CDK6: variants seen among roughly 807,000 people sequenced by gnomAD.
CDK6 encodes cyclin dependent kinase 6.
CDK6 carries 6 observed loss-of-function variants against 37.1 expected under a neutral mutation model. That is an observed-to-expected ratio of 0.16 (90% confidence interval 0.09 to 0.32). The LOEUF (loss-of-function observed/expected upper bound fraction) is 0.32, where lower values mean the gene tolerates loss of function less well. CDK6 is among the 10% of genes least tolerant of loss of function. CDK6 has a pLI of 1.00. For missense variants in CDK6, 224 were observed against 418.9 expected, an observed-to-expected ratio of 0.53 and a Z score of 4.06; for synonymous variants, 160 against 161.3, an observed-to-expected ratio of 0.99 and a Z score of 0.06.
At chr7:92,778,302 C>T (rs1799899456) in intron 2 of CDK6, among the ~76,000 whole-genome samples, 1 of 152,066 alleles carries the variant, frequency 6.6e-6, no homozygotes. Flanking sequence ...ATTTTTTCCT[C>T]ACATTTATCT....
intron 5 of CDK6, among the ~76,000 whole-genome samples, chr7:92,640,272 T>A (rs2116532842): frequency 6.6e-6 from 1 of 152,284 alleles, no homozygotes; most frequent in Middle Eastern, 3.4e-3. Flanking sequence ...AAGGGGGCCC[T>A]CATGGAGGTT....
At chr7:92,797,101 A>G (rs1481883032) in intron 2 of CDK6, among the ~76,000 whole-genome samples, 1 of 152,116 alleles carries the variant, frequency 6.6e-6, no homozygotes, top group Non-Finnish European at 1.5e-5. Context: ...AGAAAAGCAA[A>G]CTCTGGAAAG....
intron 3 of CDK6, among the ~76,000 whole-genome samples, chr7:92,757,795 T>C (rs1172534925): frequency 6.6e-6 from 1 of 152,214 alleles, no homozygotes. Flanking sequence ...TTCCCTTTTC[T>C]CTACAACCTT....
At chr7:92,709,081 C>T (rs1157973282) in intron 4 of CDK6, among the ~76,000 whole-genome samples, 1 of 151,970 alleles carries the variant, frequency 6.6e-6, no homozygotes, top group African/African-American at 2.4e-5. Flanking sequence ...CATTTAACAG[C>T]CTCCAGTTTC....
intron 2 of CDK6, among the ~76,000 whole-genome samples, chr7:92,788,814 C>A (rs1800209026): frequency 6.6e-6 from 1 of 152,060 alleles, no homozygotes; most frequent in Non-Finnish European, 1.5e-5. Context: ...AGTGGGATGG[C>A]AATTTGGAAG....
intron 2 of CDK6, among the ~76,000 whole-genome samples, chr7:92,797,435 C>T (rs1800442566): frequency 6.6e-6 from 1 of 152,180 alleles, no homozygotes; most frequent in Admixed American, 6.6e-5. Flanking sequence ...CGGGATGAGT[C>T]TGTCAACCTT....
chr7:92,789,183 A>G (rs1485855064), intron 2 of CDK6, among the ~76,000 whole-genome samples: 2 of 152,162 alleles, frequency 1.3e-5, no homozygotes, highest in Non-Finnish European at 2.9e-5. Flanking sequence ...CAAGAATTCT[A>G]TATCTGGCAG....
chr7:92,777,173 T>A (rs1336899509), intron 2 of CDK6, among the ~76,000 whole-genome samples: 1 of 152,240 alleles, frequency 6.6e-6, no homozygotes, highest in Admixed American at 6.5e-5. Context: ...ATTTCCCCAT[T>A]TCTTGTTTTT....
At chr7:92,634,639 G>GAAA (rs947646053) in intron 5 of CDK6, among the ~76,000 whole-genome samples, 3 of 152,080 alleles carry the variant, frequency 2.0e-5, no homozygotes, top group Non-Finnish European at 4.4e-5. Flanking sequence ...TCCTGTTCAG[G>GAAA]AAAATGGAAT....
chr7:92,686,322 A>G (rs1797452937), intron 4 of CDK6, among the ~76,000 whole-genome samples: 1 of 151,914 alleles, frequency 6.6e-6, no homozygotes, highest in Non-Finnish European at 1.5e-5. Context: ...CCACTGTATC[A>G]TTCTTATGCC....
At chr7:92,820,306 A>G (rs1442844137) in intron 2 of CDK6, among the ~76,000 whole-genome samples, 1 of 152,146 alleles carries the variant, frequency 6.6e-6, no homozygotes. Flanking sequence ...TCATAGGGTT[A>G]TAATGTTGAA....
chr7:92,796,205 T>C (rs762154507), intron 2 of CDK6, among the ~76,000 whole-genome samples: 1 of 151,674 alleles, frequency 6.6e-6, no homozygotes, highest in Non-Finnish European at 1.5e-5. Context: ...GGAATAAATA[T>C]ATATTTATAC....
intron 5 of CDK6, among the ~76,000 whole-genome samples, chr7:92,631,916 T>C (rs1200182479): frequency 1.3e-5 from 2 of 152,170 alleles, no homozygotes; most frequent in South Asian, 2.1e-4. Flanking sequence ...CAAAGCAACA[T>C]TGATACAAGG....
chr7:92,731,289 C>T (rs776371094), intron 3 of CDK6, among the ~76,000 whole-genome samples: 17 of 152,182 alleles, frequency 1.1e-4, no homozygotes, highest in Non-Finnish European at 1.9e-4. Flanking sequence ...ATGCTTCATC[C>T]AAAATCACAA....
chr7:92,813,267 T>C (rs901509905), intron 2 of CDK6, among the ~76,000 whole-genome samples: 2 of 152,102 alleles, frequency 1.3e-5, no homozygotes, highest in Admixed American at 1.3e-4. Context: ...GAAAAGAAGA[T>C]GGAGGTGAAA....
rs73416979 is a variant in CDK6 at position 92,824,737 on chromosome 7, A to G, written c.233+8354T>C. On this transcript the variant is annotated intron_variant, in intron 2 of 7. Transcript: ENST00000424848. ...TTCCAGGAAATTATAAACTACTTGA[A>G]AGCAGGAATTCATTTTGTTAATAAT... Among the ~76,000 whole-genome samples, 675 of 152,266 alleles carry G rather than the reference A, an allele frequency of 4.4e-3. 4 individuals are homozygous for G. The highest frequency in any genetic ancestry group is 0.015 in the African/African-American group (625 of 41,570).
chr7:92,756,184 A>G (rs1799315411), intron 3 of CDK6, among the ~76,000 whole-genome samples: 1 of 151,456 alleles, frequency 6.6e-6, no homozygotes, highest in South Asian at 2.1e-4. Flanking sequence ...AAAAAGACCC[A>G]GCAAAAAACT....
At chr7:92,689,139 T>G (rs952026480) in intron 4 of CDK6, among the ~76,000 whole-genome samples, 1 of 152,170 alleles carries the variant, frequency 6.6e-6, no homozygotes, top group African/African-American at 2.4e-5. Context: ...ACAAGGCTCA[T>G]AGGCTTTACA....
At chr7:92,787,667 A>G (rs1463170121) in intron 2 of CDK6, among the ~76,000 whole-genome samples, 1 of 152,078 alleles carries the variant, frequency 6.6e-6, no homozygotes, top group Non-Finnish European at 1.5e-5. Flanking sequence ...ATATGGAGTG[A>G]CTCTACAAAA....
Sources: gnomAD v4.1 joint callset for allele counts (sites outside exome capture counted in the v4.1 genomes callset) on GRCh38, gnomAD v4.1.1 for gene constraint, MANE v1.5 for transcripts, NCBI Gene and HGNC (gene_info 2026-07-23, HGNC 2026-07-21) for gene names.